GRID2: variants seen among roughly 807,000 people sequenced by gnomAD.
GRID2 encodes the protein glutamate ionotropic receptor delta type subunit 2.
A neutral mutation model predicts 114.8 loss-of-function variants in GRID2; 33 were observed. The ratio of observed to expected loss-of-function variants is 0.29; its 90% CI spans 0.22 to 0.38. The LOEUF (loss-of-function observed/expected upper bound fraction) is 0.38. Ranked by LOEUF, GRID2 falls within the 10% of genes least tolerant of loss-of-function variation. The probability of loss-of-function intolerance (pLI) is 1.00; values close to 1 mark genes in which losing one functional copy is unlikely to be tolerated. For synonymous variants in GRID2, 505 were observed against 449.9 expected, an observed-to-expected ratio of 1.12 and a Z score of -1.55; for missense variants, 1,184 against 1,257.7, an observed-to-expected ratio of 0.94 and a Z score of 0.89.
chr4:93,705,856 A>C (rs771229357), intron 14 of GRID2, among the ~76,000 whole-genome samples: 1 of 152,152 alleles, frequency 6.6e-6, no homozygotes, highest in Non-Finnish European at 1.5e-5. Context: ...CGAATTTTGC[A>C]TATGGTCAGA....
At chr4:93,625,547 A>G in intron 13 of GRID2, among the ~76,000 whole-genome samples, 1 of 152,252 alleles carries the variant, frequency 6.6e-6, no homozygotes. Context: ...GCATGTGCAG[A>G]TTCAACCAGC....
At chr4:93,681,100 G>C (rs948165462) in intron 14 of GRID2, among the ~76,000 whole-genome samples, 2 of 148,060 alleles carry the variant, frequency 1.4e-5, no homozygotes, top group Admixed American at 1.3e-4. Context: ...TACAAAATCA[G>C]TGTACAAAAA....
chr4:92,842,184 T>C (rs542305986), intron 2 of GRID2, among the ~76,000 whole-genome samples: 1 of 152,140 alleles, frequency 6.6e-6, no homozygotes, highest in Non-Finnish European at 1.5e-5. Context: ...TGCATTAGGG[T>C]TTTGGTGCTA....
intron 2 of GRID2, among the ~76,000 whole-genome samples, chr4:92,940,869 T>C (rs973053446): frequency 2.0e-5 from 3 of 152,236 alleles, no homozygotes; most frequent in African/African-American, 7.2e-5. Flanking sequence ...CTGGATTACA[T>C]TTATTGATTT....
intron 2 of GRID2, among the ~76,000 whole-genome samples, chr4:92,709,292 T>G (rs1735103028): frequency 6.6e-6 from 1 of 152,080 alleles, no homozygotes; most frequent in Non-Finnish European, 1.5e-5. Context: ...ATAAGTAGGT[T>G]GAAAAAGTCA....
At chr4:92,894,024 A>G (rs1269598180) in intron 2 of GRID2, among the ~76,000 whole-genome samples, 1 of 152,118 alleles carries the variant, frequency 6.6e-6, no homozygotes, top group Admixed American at 6.5e-5. Context: ...GGGTACTAAG[A>G]AAATAAATAA....
intron 1 of GRID2, among the ~76,000 whole-genome samples, chr4:92,458,077 T>C (rs1355710861): frequency 6.6e-6 from 1 of 152,198 alleles, no homozygotes; most frequent in Non-Finnish European, 1.5e-5. Context: ...ACACAACTGA[T>C]ACGTTTGAAC....
At chr4:93,208,809 C>T (rs573137396) in intron 5 of GRID2, among the ~76,000 whole-genome samples, 18 of 152,018 alleles carry the variant, frequency 1.2e-4, no homozygotes, top group East Asian at 7.7e-4. Context: ...TCAGGCAATA[C>T]GTATCTGGAG....
intron 2 of GRID2, among the ~76,000 whole-genome samples, chr4:92,650,416 A>T (rs375079452): frequency 1.3e-5 from 2 of 152,038 alleles, no homozygotes; most frequent in South Asian, 4.1e-4. Context: ...CAATCACCTT[A>T]ATCACAGGGC....
intron 4 of GRID2, among the ~76,000 whole-genome samples, chr4:93,148,188 G>T (rs112958762): frequency 2.6e-5 from 4 of 152,328 alleles, no homozygotes; most frequent in African/African-American, 7.2e-5. Flanking sequence ...CACTGACCAT[G>T]ATTAAAACCC....
chr4:92,413,691 G>C (rs552567776), intron 1 of GRID2, among the ~76,000 whole-genome samples: 3 of 152,218 alleles, frequency 2.0e-5, no homozygotes, highest in Admixed American at 2.0e-4. Context: ...TTGTAATTCT[G>C]TAAAATGAAA....
intron 2 of GRID2, among the ~76,000 whole-genome samples, chr4:92,927,104 G>T (rs946400886): frequency 2.0e-5 from 3 of 151,790 alleles, no homozygotes; most frequent in Non-Finnish European, 4.4e-5. Flanking sequence ...CATCTTTCTA[G>T]TATTATGAAC....
intron 1 of GRID2, among the ~76,000 whole-genome samples, chr4:92,346,384 C>T (rs371935200): frequency 1.0e-3 from 153 of 152,102 alleles, no homozygotes; most frequent in South Asian, 3.5e-3. Flanking sequence ...GTTTTGTTTG[C>T]GACAGGGTCT....
At chr4:92,613,264 A>G (rs1243035452) in intron 2 of GRID2, among the ~76,000 whole-genome samples, 1 of 151,326 alleles carries the variant, frequency 6.6e-6, no homozygotes, top group African/African-American at 2.4e-5. Context: ...CATTCCTGGG[A>G]TAAGTCTTTA....
chr4:92,845,259 G>T (rs544235841), intron 2 of GRID2, among the ~76,000 whole-genome samples: 8 of 151,956 alleles, frequency 5.3e-5, no homozygotes, highest in African/African-American at 1.9e-4. Flanking sequence ...TTATTTTTTG[G>T]TTTGTTTTTG....
At chr4:92,979,662 T>A (rs1035793586) in intron 2 of GRID2, among the ~76,000 whole-genome samples, 1 of 152,144 alleles carries the variant, frequency 6.6e-6, no homozygotes, top group Non-Finnish European at 1.5e-5. Context: ...CTGCAAATCC[T>A]ACAGTGATGC....
At chr4:92,349,729 A>G (rs1727967925) in intron 1 of GRID2, among the ~76,000 whole-genome samples, 1 of 151,794 alleles carries the variant, frequency 6.6e-6, no homozygotes, top group African/African-American at 2.4e-5. Flanking sequence ...TATTCCTATA[A>G]AAATACAATT....
chr4:93,716,299 A>G (rs1728896915), intron 14 of GRID2, among the ~76,000 whole-genome samples: 1 of 152,184 alleles, frequency 6.6e-6, no homozygotes, highest in Non-Finnish European at 1.5e-5. Flanking sequence ...GCATTGCTAG[A>G]TATTTCCAAA....
At chr4:93,807,842 A>G (rs1735062628) in exon 2 of GRID2, 1 of 152,238 alleles carries the variant, frequency 6.6e-6, no homozygotes, top group Non-Finnish European at 1.5e-5. Flanking sequence ...GAATACAATG[A>G]TGAATGAGTC....
Sources: allele counts gnomAD v4.1 joint callset (sites outside exome capture counted in the v4.1 genomes callset), GRCh38; gene constraint gnomAD v4.1.1; transcripts MANE v1.5; gene names NCBI Gene and HGNC (gene_info 2026-07-23, HGNC 2026-07-21).